CNKSR3: variants seen among roughly 807,000 people sequenced by gnomAD.
CNKSR3 encodes the protein CNKSR family member 3, also known as connector enhancer of kinase suppressor of ras 3.
CNKSR3 carries 36 observed loss-of-function variants against 67.7 expected under a neutral mutation model. The ratio of observed to expected loss-of-function variants is 0.53; its 90% CI spans 0.41 to 0.70. CNKSR3 has a LOEUF of 0.70. Among genes scored for constraint, CNKSR3 ranks in the 30% least tolerant of loss-of-function variants. The pLI is 0.00. For missense variants in CNKSR3, 630 were observed against 695.2 expected, an observed-to-expected ratio of 0.91 and a Z score of 1.05; for synonymous variants, 281 against 271.4, an observed-to-expected ratio of 1.04 and a Z score of -0.35.
At chr6:154,494,920 T>C (rs575748337) in intron 1 of CNKSR3, among the ~76,000 whole-genome samples, 13 of 152,374 alleles carry the variant, frequency 8.5e-5, no homozygotes, top group Non-Finnish European at 1.3e-4. Context: ...TATGCCAAGA[T>C]GCATTTTGCA....
At position 154,411,078 on chromosome 6, in the gene CNKSR3, T is replaced by C; in HGVS notation, c.1135A>G (p.Lys379Glu). The change falls in exon 11 of 13, where the codon AAG becomes GAG. Residue 379 changes from lysine (K) to glutamate (E), a missense_variant. Coordinates refer to ENST00000607772, the MANE Select transcript of CNKSR3 (RefSeq NM_173515.4). ...AAGGAATTCGGGGACTCTGAACCCT[T>C]AGGACCAGGCAATGGTTGTTTGCAC... is the stretch of plus-strand genomic sequence containing the variant. The part of the protein sequence containing the change: ...SKCKQPLPGP[K>E]GSESPNSFLD... 2 of 1,614,094 alleles carry C rather than the reference T, an allele frequency of 1.2e-6. No homozygotes were observed. Among genetic ancestry groups the C allele is most frequent in the Non-Finnish European group, 1.7e-6 (2 of 1,179,990 alleles).
At chr6:154,437,608 GT>G (rs1360631483) in intron 4 of CNKSR3, among the ~76,000 whole-genome samples, 1 of 151,748 alleles carries the variant, frequency 6.6e-6, no homozygotes, top group Non-Finnish European at 1.5e-5. Context: ...TACAGATGGG[GT>G]TTCGCCATGT....
intron 2 of CNKSR3, among the ~76,000 whole-genome samples, chr6:154,448,117 G>A (rs895365631): frequency 6.6e-6 from 1 of 152,058 alleles, no homozygotes; most frequent in Non-Finnish European, 1.5e-5. Flanking sequence ...GAAATTGTAG[G>A]AGATAAAACA....
intron 1 of CNKSR3, among the ~76,000 whole-genome samples, chr6:154,492,802 C>T (rs897840379): frequency 6.6e-6 from 1 of 151,678 alleles, no homozygotes; most frequent in African/African-American, 2.4e-5. Flanking sequence ...CCTTAACCTG[C>T]TTCTCCCACC....
intron 11 of CNKSR3, 65 bp from the exon 12 acceptor site, chr6:154,410,497 C>T: frequency 5.5e-6 from 6 of 1,090,170 alleles, no homozygotes; most frequent in Non-Finnish European, 8.5e-6. Context: ...GAACCGTTCC[C>T]TTTATGTATA....
Position 154,398,300 on chromosome 6 carries a change from T to C in CNKSR3, c.*8054A>G, listed in dbSNP as rs534364411. The C allele has an allele frequency of 6.6e-6, 1 of 152,384 alleles. No individual in the cohort carries two copies. Among genetic ancestry groups the C allele is most frequent in the South Asian group, 2.1e-4 (1 of 4,830 alleles). The allele number at this position is 152,384 out of a possible 1,614,324, so 9.4% of individuals were successfully genotyped here. ...CTGAGTGGTCTGGGTGTCACATCTG[T>C]GTGTGTGCCCAAATGGATGAAATTT... is the stretch of plus-strand genomic sequence containing the variant. On this transcript the variant is annotated 3_prime_UTR_variant, in exon 13 of 13. Transcript: ENST00000607772.
At chr6:154,495,015 T>C (rs1786849620) in intron 1 of CNKSR3, among the ~76,000 whole-genome samples, 1 of 152,248 alleles carries the variant, frequency 6.6e-6, no homozygotes, top group Admixed American at 6.5e-5. Context: ...GTCGATGACT[T>C]AGGCTGCATT....
At chr6:154,476,807 TA>T (rs1192648704) in intron 1 of CNKSR3, among the ~76,000 whole-genome samples, 2 of 152,216 alleles carry the variant, frequency 1.3e-5, no homozygotes, top group Non-Finnish European at 2.9e-5. Flanking sequence ...CCCAAAAAGT[TA>T]AAAATTTATT....
At chr6:154,414,550 T>C in intron 9 of CNKSR3, 127 bp from the exon 10 acceptor site, 1 of 940,498 alleles carries the variant, frequency 1.1e-6, no homozygotes, top group Non-Finnish European at 1.7e-6. Flanking sequence ...GTCATTCATG[T>C]GTTTACAGAT....
At chr6:154,458,746 C>A (rs1278323052) in intron 1 of CNKSR3, among the ~76,000 whole-genome samples, 1 of 152,188 alleles carries the variant, frequency 6.6e-6, no homozygotes, top group Non-Finnish European at 1.5e-5. Context: ...GGCTTCCCAT[C>A]AGTGGATTAG....
At position 154,495,404 on chromosome 6, in the gene CNKSR3, T is replaced by A. The variant is rs369394072; in HGVS notation, c.52+14659A>T. 2.6e-5 allele frequency among the ~76,000 whole-genome samples: 4 copies of A among 151,566 alleles called. No individual in the cohort carries two copies. The East Asian group carries it at 5.8e-4, about 22-fold the overall frequency. On this transcript the variant is annotated intron_variant, in intron 1 of 12. Transcript: ENST00000607772. ...GAGAGAGATAGCTTTTGGGCTTTTC[T>A]GTCACCCAAACTGTAATGCAGTGGT... is the stretch of plus-strand genomic sequence containing the variant.
rs1364942592 is a variant in CNKSR3, at chr6:154,398,446, C to T, written c.*7908G>A. 6.6e-6 allele frequency: 1 copy of T among 152,202 alleles called. No individual in the cohort carries two copies. The highest frequency in any genetic ancestry group is 1.5e-5 in the Non-Finnish European group (1 of 68,044). The allele number at this position is 152,202 out of a possible 1,614,324, so 9.4% of individuals were successfully genotyped here. On this transcript the variant is annotated 3_prime_UTR_variant, in exon 13 of 13. Coordinates refer to ENST00000607772, the MANE Select transcript of CNKSR3 (RefSeq NM_173515.4). ...TTTCACTTCCTGGACCTACCAAAGC[C>T]TTGGCCTTGGGTGGGGAGGCATCCA...
rs1787193315 is a variant in CNKSR3, at chr6:154,510,439, G to A, written c.-325C>T. On this transcript the variant is annotated 5_prime_UTR_variant, in exon 1 of 13. Transcript: ENST00000607772. ...GACCCCAGACCCCTGGCCTCGGCTC[G>A]GCACGGGAGCCTCCCGGCCCGCGAC... 1 of 392,852 alleles carries A rather than the reference G, an allele frequency of 2.5e-6. No homozygotes were observed. Among genetic ancestry groups the A allele is most frequent in the South Asian group, 3.2e-5 (1 of 30,914 alleles). 24.3% of individuals were successfully genotyped at this position (392,852 alleles called of 1,614,324 possible).
At chr6:154,502,196 T>C (rs1056901457) in intron 1 of CNKSR3, among the ~76,000 whole-genome samples, 2 of 78,270 alleles carry the variant, frequency 2.6e-5, no homozygotes, top group Admixed American at 1.3e-4. Context: ...ATATTTCTTC[T>C]TTTTTTTTTT....
chr6:154,433,420 C>T lies in CNKSR3; in HGVS notation c.549+46G>A, dbSNP rs754183852. On this transcript the variant is annotated intron_variant, in intron 5 of 12. Coordinates refer to ENST00000607772, the MANE Select transcript of CNKSR3 (RefSeq NM_173515.4). ...CATTTACTTAATGTGATTCCCACTG[C>T]CTTTGGAAAATGAATTTTACAATAA... 10 of 1,337,362 alleles carry T rather than the reference C, an allele frequency of 7.5e-6. No homozygotes were observed. The East Asian group carries it at 1.9e-4, about 26-fold the overall frequency. 82.8% of individuals were successfully genotyped at this position (1,337,362 alleles called of 1,614,324 possible). A position where few individuals can be genotyped will look rare whatever the true frequency, so the allele number is the denominator to read the frequency against.
chr6:154,460,814 C>G (rs1786063510), intron 1 of CNKSR3, among the ~76,000 whole-genome samples: 1 of 152,224 alleles, frequency 6.6e-6, no homozygotes, highest in African/African-American at 2.4e-5. Flanking sequence ...TGCCACACAG[C>G]AAGTTTATGT....
At chr6:154,433,346 C>A in intron 5 of CNKSR3, 120 bp downstream of exon 5, 1 of 724,906 alleles carries the variant, frequency 1.4e-6, no homozygotes, top group South Asian at 1.7e-5. Context: ...AAACTCATGT[C>A]CCAAAAGCCA....
Position 154,450,340 on chromosome 6 carries a change from A to G in CNKSR3, c.53-82T>C, listed in dbSNP as rs1785801755. On this transcript the variant is annotated intron_variant, in intron 1 of 12. Transcript: ENST00000607772. ...TGCAAACTGCCCACATGTCACATCAATCTCAGCAATCAACAATTATGATGC... is the reference window on the plus strand; with the variant it reads ...TGCAAACTGCCCACATGTCACATCAGTCTCAGCAATCAACAATTATGATGC... The G allele has an allele frequency of 1.3e-5, 18 of 1,357,798 alleles. 1 individual carries two copies. The highest frequency in any genetic ancestry group is 1.2e-4 in the South Asian group (9 of 76,296). The allele number at this position is 1,357,798 out of a possible 1,614,324, so 84.1% of individuals were successfully genotyped here. A position where few individuals can be genotyped will look rare whatever the true frequency, so the allele number is the denominator to read the frequency against.
At chr6:154,456,142 G>C (rs1785949714) in intron 1 of CNKSR3, among the ~76,000 whole-genome samples, 1 of 152,164 alleles carries the variant, frequency 6.6e-6, no homozygotes, top group African/African-American at 2.4e-5. Context: ...GTGTCCCACA[G>C]ACCACACCTT....
Sources: gnomAD v4.1 joint callset for allele counts (sites outside exome capture counted in the v4.1 genomes callset) on GRCh38, gnomAD v4.1.1 for gene constraint, MANE v1.5 for transcripts, NCBI Gene and HGNC (gene_info 2026-07-23, HGNC 2026-07-21) for gene names.